Variants in SLC43A3 observed in about 807,000 individuals in gnomAD.
SLC43A3 encodes the protein solute carrier family 43 member 3, also known as equilibrative nucleobase transporter 1.
A neutral mutation model predicts 53.3 loss-of-function variants in SLC43A3; 33 were observed. The observed-to-expected ratio is 0.62, with a 90% CI of 0.47 to 0.83. SLC43A3 has a LOEUF of 0.83. SLC43A3 is among the 40% of genes least tolerant of loss of function. The pLI, the probability that SLC43A3 is intolerant of heterozygous loss-of-function variation, is 0.00. For synonymous variants in SLC43A3, 236 were observed against 246.2 expected (o/e 0.96, Z 0.39); for missense variants, 530 against 610.0 (o/e 0.87, Z 1.38).
rs1418034783 is a variant in SLC43A3 at position 57,409,958 on chromosome 11, G to C, written c.1224C>G (p.Ser408Arg). ...QVISRSFLYG[S>R]NAAFLTLAFP... Reference sequence around the variant, plus strand: ...ACGCAAGGGTGAGGAAGGCCGCGTTGCTCCCATAGAGGAAGGAGCGGCTGA... The same window carrying C: ...ACGCAAGGGTGAGGAAGGCCGCGTTCCTCCCATAGAGGAAGGAGCGGCTGA... Residue 408 changes from serine (S) to arginine (R), a missense_variant, in exon 12 of 14, where the codon AGC becomes AGG. Transcript: ENST00000395124. The C allele has an allele frequency of 6.2e-7, 1 of 1,612,510 alleles. No homozygotes were observed. The highest frequency in any genetic ancestry group is 8.5e-7 in the Non-Finnish European group (1 of 1,179,474).
intron 7 of SLC43A3, among the ~76,000 whole-genome samples, chr11:57,419,176 C>T (rs1188288268): frequency 6.6e-6 from 1 of 152,052 alleles, no homozygotes; most frequent in Non-Finnish European, 1.5e-5. Flanking sequence ...TGCCTTTTTT[C>T]CCCCAACGAC....
chr11:57,423,830 T>C (rs1184112600), intron 5 of SLC43A3, 152 bp downstream of exon 5: 1 of 648,444 alleles, frequency 1.5e-6, no homozygotes. Flanking sequence ...AGACCAGCAA[T>C]AGCTCAAGAT....
intron 11 of SLC43A3, 39 bp downstream of exon 11, chr11:57,414,576 T>G: frequency 8.8e-7 from 1 of 1,133,292 alleles, no homozygotes; most frequent in Non-Finnish European, 1.3e-6. Context: ...CCTCCCTTCC[T>G]GGTTCCCTGA....
chr11:57,417,501 C>A (rs1942775222), intron 8 of SLC43A3, among the ~76,000 whole-genome samples: 1 of 152,226 alleles, frequency 6.6e-6, no homozygotes. Flanking sequence ...TATGAATGAG[C>A]CCTGTCAAAA....
At chr11:57,409,910 C>A (rs1288594997) in intron 12 of SLC43A3, 25 bp downstream of exon 12, 7 of 1,586,308 alleles carry the variant, frequency 4.4e-6, no homozygotes, top group Non-Finnish European at 5.1e-6. Context: ...TCCGTCTCCA[C>A]AGAGCCCGCC....
chr11:57,425,416 G>A (rs372829966), intron 4 of SLC43A3, 125 bp downstream of exon 4: 3 of 941,530 alleles, frequency 3.2e-6, no homozygotes, highest in Non-Finnish European at 3.3e-6. Context: ...TGCTGGGAGC[G>A]AGCTGCAGGT....
intron 11 of SLC43A3, among the ~76,000 whole-genome samples, chr11:57,413,154 T>C (rs889156097): frequency 6.6e-6 from 1 of 151,766 alleles, no homozygotes; most frequent in African/African-American, 2.4e-5. Context: ...TACTTTTAAA[T>C]GACACATTAA....
At chr11:57,411,089 AT>A (rs1423029946) in intron 11 of SLC43A3, among the ~76,000 whole-genome samples, 1 of 152,216 alleles carries the variant, frequency 6.6e-6, no homozygotes, top group African/African-American at 2.4e-5. Context: ...CAATGTTTAT[AT>A]TTAAAAAAAT....
chr11:57,416,477 C>CCAGAA, intron 9 of SLC43A3, 96 bp downstream of exon 9: 1 of 894,724 alleles, frequency 1.1e-6, no homozygotes, highest in Non-Finnish European at 1.8e-6. Flanking sequence ...TTTCCTGATT[C>CCAGAA]TGGGTCCCTG....
chr11:57,426,026 T>C lies in SLC43A3; in HGVS notation c.147A>G (p.Pro49=), dbSNP rs1943189249. 6 of 1,614,256 alleles carry C rather than the reference T, an allele frequency of 3.7e-6. No individual in the cohort carries two copies. The East Asian group carries it at 1.3e-4, about 36-fold the overall frequency. Residue 49 remains proline (P), a synonymous_variant, in exon 3 of 14, where the codon CCA becomes CCG. Transcript: ENST00000395124. The part of the protein sequence containing the change: ...NEDYFKDLCG[P]DAGPIGNATG... ...TGGCATTGCCAATCGGCCCAGCATCTGGTCCACACAGATCCTTAAAGTAAT... is the reference window on the plus strand; with the variant it reads ...TGGCATTGCCAATCGGCCCAGCATCCGGTCCACACAGATCCTTAAAGTAAT...
chr11:57,425,760 C>A, intron 3 of SLC43A3, 90 bp from the exon 4 acceptor site: 1 of 1,566,802 alleles, frequency 6.4e-7, no homozygotes, highest in East Asian at 2.3e-5. Flanking sequence ...GACAGCTTGT[C>A]GGTCGCAAAC....
chr11:57,409,091 C>A, intron 13 of SLC43A3, 84 bp downstream of exon 13: 1 of 1,404,216 alleles, frequency 7.1e-7, no homozygotes, highest in Non-Finnish European at 1.0e-6. Flanking sequence ...TGCTACATAC[C>A]CAGGCCATCA....
At chr11:57,416,744 G>GTATGGTGAAT in intron 8 of SLC43A3, 74 bp from the exon 9 acceptor site, 1 of 1,202,470 alleles carries the variant, frequency 8.3e-7, no homozygotes. Flanking sequence ...GGAGGGAATA[G>GTATGGTGAAT]CATGGTGAAT....
chr11:57,414,595 T>C lies in SLC43A3; in HGVS notation c.1060+20A>G, dbSNP rs755801756. 122 of 1,459,872 alleles carry C rather than the reference T, an allele frequency of 8.4e-5. 1 individual carries two copies. The highest frequency in any genetic ancestry group is 1.0e-4 in the Non-Finnish European group (109 of 1,048,640). The allele number at this position is 1,459,872 out of a possible 1,614,324, so 90.4% of individuals were successfully genotyped here. A position where few individuals can be genotyped will look rare whatever the true frequency, so the allele number is the denominator to read the frequency against. On this transcript the variant is annotated intron_variant, in intron 11 of 13. Transcript: ENST00000395124. ...CCTTCCTGGTTCCCTGACCAGCCCC[T>C]GCCCTCCCCCGCATCTCACCTGTCT...
At chr11:57,412,037 G>C (rs1942499769) in intron 11 of SLC43A3, among the ~76,000 whole-genome samples, 1 of 152,024 alleles carries the variant, frequency 6.6e-6, no homozygotes, top group Admixed American at 6.6e-5. Flanking sequence ...CAAAAGCAGT[G>C]ACAACCCAGG....
At position 57,408,832 on chromosome 11, in the gene SLC43A3, A is replaced by T. The variant is rs528762410; in HGVS notation, c.1371+343T>A. On this transcript the variant is annotated intron_variant, in intron 13 of 13. Transcript: ENST00000395124. ...ACCTCAGAGCATCCCTCCAGGTGTA[A>T]GGACACAGAGGTGAAAGCACAGAGG... 108 of 247,526 alleles carry T rather than the reference A, an allele frequency of 4.4e-4. 2 individuals carry two copies. The highest frequency in any genetic ancestry group is 2.4e-3 in the African/African-American group (106 of 44,596). 15.3% of individuals were successfully genotyped at this position (247,526 alleles called of 1,614,324 possible).
At chr11:57,419,482 C>T (rs907860243) in intron 7 of SLC43A3, among the ~76,000 whole-genome samples, 3 of 152,132 alleles carry the variant, frequency 2.0e-5, no homozygotes, top group South Asian at 2.1e-4. Flanking sequence ...TTCCTGCTCC[C>T]TTTCCCCTTC....
chr11:57,415,236 C>A, intron 9 of SLC43A3, 130 bp from the exon 10 acceptor site: 1 of 1,540,108 alleles, frequency 6.5e-7, no homozygotes, highest in Non-Finnish European at 8.7e-7. Context: ...AGAACTCACC[C>A]GGCGTGCTCT....
intron 5 of SLC43A3, among the ~76,000 whole-genome samples, chr11:57,423,393 G>A (rs145610593): frequency 6.6e-6 from 1 of 152,220 alleles, no homozygotes; most frequent in East Asian, 1.9e-4. Context: ...CATAGGAGAA[G>A]GATGTAAAGG....
Sources: gnomAD v4.1 joint callset for allele counts (sites outside exome capture counted in the v4.1 genomes callset) on GRCh38, gnomAD v4.1.1 for gene constraint, MANE v1.5 for transcripts, NCBI Gene and HGNC (gene_info 2026-07-23, HGNC 2026-07-21) for gene names.